The following ADH1C variants were observed in gnomAD, a reference collection of about 807,000 sequenced individuals.
ADH1C encodes the protein alcohol dehydrogenase 1C.
Under a neutral mutation model 35.0 loss-of-function variants are expected in ADH1C, and 26 were observed. That is an observed-to-expected ratio of 0.74 (90% CI 0.54 to 1.03). The LOEUF is 1.03. Among genes scored for constraint, ADH1C ranks in the 50% least tolerant of loss-of-function variants. The probability of loss-of-function intolerance (pLI) is 0.00; values close to 1 mark genes in which losing one functional copy is unlikely to be tolerated. For missense variants in ADH1C, 413 were observed against 465.4 expected, an observed-to-expected ratio of 0.89 and a Z score of 1.04; for synonymous variants, 170 against 169.3, an observed-to-expected ratio of 1.00 and a Z score of -0.03.
At chr4:99,347,710 CTTAAAA>C (rs2110661570) in intron 2 of ADH1C, 29 bp downstream of exon 2, 1 of 1,563,034 alleles carries the variant, frequency 6.4e-7, no homozygotes, top group Non-Finnish European at 8.7e-7. Flanking sequence ...ATTCTTTAAA[CTTAAAA>C]TTAAATACAA....
chr4:99,344,010 C>T (rs867520403), intron 5 of ADH1C, among the ~76,000 whole-genome samples: 6 of 152,138 alleles, frequency 3.9e-5, no homozygotes, highest in African/African-American at 1.4e-4. Flanking sequence ...TTCTACCTTA[C>T]TTAGAAAAAT....
At chr4:99,343,726 TG>T (rs1734466322) in intron 5 of ADH1C, among the ~76,000 whole-genome samples, 1 of 152,214 alleles carries the variant, frequency 6.6e-6, no homozygotes, top group Non-Finnish European at 1.5e-5. Flanking sequence ...CTTCTGTTCT[TG>T]GGTAGGCTCA....
At chr4:99,351,681 C>T (rs1307813782) in intron 1 of ADH1C, among the ~76,000 whole-genome samples, 1 of 152,204 alleles carries the variant, frequency 6.6e-6, no homozygotes, top group East Asian at 1.9e-4. Flanking sequence ...GTCTTATTGA[C>T]ATGAGCCTGT....
Position 99,338,395 on chromosome 4 carries a change from C to CTATATATA in ADH1C, c.1103+1174_1103+1181dup, listed in dbSNP as rs35124782. On this transcript the variant is annotated intron_variant, in intron 8 of 8. Transcript: ENST00000515683. ...ATTAACCTTTGATGAATACTGTTTT[C>CTATATATA]TATATATATATATATATATATATAT... Among the ~76,000 whole-genome samples the CTATATATA allele has an allele frequency of 4.7e-3, 184 of 38,832 alleles. 9 individuals carry two copies. Among genetic ancestry groups the CTATATATA allele is most frequent in the South Asian group, 6.9e-3 (7 of 1,016 alleles). 25.5% of individuals were successfully genotyped at this position (38,832 alleles called of 152,430 possible).
chr4:99,339,050 T>A (rs2110653006), intron 8 of ADH1C, among the ~76,000 whole-genome samples: 1 of 152,210 alleles, frequency 6.6e-6, no homozygotes, highest in East Asian at 1.9e-4. Context: ...AGTAAATTTT[T>A]TTTTCTAAAC....
At chr4:99,346,870 G>A (rs1019553562) in intron 3 of ADH1C, 136 bp downstream of exon 3, 4 of 1,421,382 alleles carry the variant, frequency 2.8e-6, no homozygotes, top group Admixed American at 4.6e-5. Flanking sequence ...GAGGGAAGGA[G>A]GAAACCCCTG....
Position 99,346,991 on chromosome 4 carries a change from G to C in ADH1C, c.259+15C>G, listed in dbSNP as rs775589950. On this transcript the variant is annotated intron_variant, in intron 3 of 8. Coordinates refer to ENST00000515683, the MANE Select transcript of ADH1C (RefSeq NM_000669.5). ...TGGTGAACCAAGGCATGTTCCCTGA[G>C]TGTGAATCCTGTACCTGGTTTGACT... is the stretch of plus-strand genomic sequence containing the variant. 19 of 1,612,328 alleles carry C rather than the reference G, an allele frequency of 1.2e-5. No homozygotes were observed. Among genetic ancestry groups the C allele is most frequent in the Admixed American group, 5.0e-5 (3 of 59,764 alleles).
intron 5 of ADH1C, 76 bp from the exon 6 acceptor site, chr4:99,343,131 T>C: frequency 6.4e-7 from 1 of 1,554,528 alleles, no homozygotes; most frequent in Admixed American, 1.9e-5. Context: ...AAGTGCCATG[T>C]CTTGTGTGTT....
At chr4:99,343,728 G>T (rs1734466376) in intron 5 of ADH1C, among the ~76,000 whole-genome samples, 1 of 151,980 alleles carries the variant, frequency 6.6e-6, no homozygotes, top group African/African-American at 2.4e-5. Flanking sequence ...TCTGTTCTTG[G>T]GTAGGCTCAC....
At chr4:99,338,029 G>A (rs1400509122) in intron 8 of ADH1C, among the ~76,000 whole-genome samples, 1 of 151,758 alleles carries the variant, frequency 6.6e-6, no homozygotes, top group East Asian at 1.9e-4. Context: ...TCTAGAAATG[G>A]TATTGCTGGA....
intron 4 of ADH1C, 33 bp downstream of exon 4, chr4:99,345,146 A>G (rs1381898495): frequency 6.2e-7 from 1 of 1,613,148 alleles, no homozygotes; most frequent in Non-Finnish European, 8.5e-7. Flanking sequence ...GTGCAAACTC[A>G]AAGTCTGTGC....
At chr4:99,345,502 TA>T (rs1318937326) in intron 3 of ADH1C, among the ~76,000 whole-genome samples, 1 of 152,180 alleles carries the variant, frequency 6.6e-6, no homozygotes, top group South Asian at 2.1e-4. Flanking sequence ...CAAGATGGAT[TA>T]AAAAAATTCC....
intron 5 of ADH1C, among the ~76,000 whole-genome samples, chr4:99,343,373 C>T (rs1427906484): frequency 6.6e-6 from 1 of 152,184 alleles, no homozygotes; most frequent in African/African-American, 2.4e-5. Context: ...TCCAATGGGT[C>T]AGGCTGGGAA....
In ADH1C at chr4:99,336,745, T is replaced by C; in HGVS notation, c.*7A>G. 1 of 1,613,718 alleles carries C rather than the reference T, an allele frequency of 6.2e-7. No individual in the cohort carries two copies. Among genetic ancestry groups the C allele is most frequent in the South Asian group, 1.1e-5 (1 of 91,076 alleles). ...AAACTGCTACAAGGGAAGGCATCTG[T>C]ATTGTTTCAAAACGTCAGGACGGTA... On this transcript the variant is annotated 3_prime_UTR_variant, in exon 9 of 9. Transcript: ENST00000515683.
At chr4:99,341,815 C>CA (rs1734421620) in intron 6 of ADH1C, among the ~76,000 whole-genome samples, 1 of 152,034 alleles carries the variant, frequency 6.6e-6, no homozygotes, top group Non-Finnish European at 1.5e-5. Flanking sequence ...TCAAAGATGA[C>CA]ATAAGCACTG....
intron 6 of ADH1C, among the ~76,000 whole-genome samples, chr4:99,342,024 A>ATC (rs1734427616): frequency 6.7e-6 from 1 of 149,030 alleles, no homozygotes; most frequent in Non-Finnish European, 1.5e-5. Context: ...AAAAAAAAAA[A>ATC]AATAAATAAA....
chr4:99,343,107 G>T, intron 5 of ADH1C, 52 bp from the exon 6 acceptor site: 2 of 1,591,598 alleles, frequency 1.3e-6, no homozygotes, highest in Non-Finnish European at 1.7e-6. Context: ...GTTAGAAATT[G>T]CTTAAGCTTT....
At chr4:99,346,056 A>G (rs1021195501) in intron 3 of ADH1C, among the ~76,000 whole-genome samples, 1 of 152,194 alleles carries the variant, frequency 6.6e-6, no homozygotes, top group Non-Finnish European at 1.5e-5. Context: ...CTAAAACTCA[A>G]ATTGGACAGT....
rs748223863 is a variant in ADH1C, at chr4:99,347,808, C to A, written c.57G>T (p.Lys19Asn). The change falls in exon 2 of 9, where the codon AAG becomes AAT. Residue 19 changes from lysine (K) to asparagine (N), a missense_variant. By Grantham distance (94) the Lys-to-Asn change is moderately conservative. Coordinates refer to ENST00000515683, the MANE Select transcript of ADH1C (RefSeq NM_000669.5). ...KCKAAVLWEL[K>N]KPFSIEEVEV... ...CTACCTCCTCAATGGAAAAGGGTTTCTTTAACTCCCATAGCACAGCTGCTT... is the reference window on the plus strand; with the variant it reads ...CTACCTCCTCAATGGAAAAGGGTTTATTTAACTCCCATAGCACAGCTGCTT... The A allele has an allele frequency of 6.2e-7, 1 of 1,613,912 alleles. No individual in the cohort carries two copies.
Sources: allele counts gnomAD v4.1 joint callset (sites outside exome capture counted in the v4.1 genomes callset), GRCh38; gene constraint gnomAD v4.1.1; transcripts MANE v1.5; gene names NCBI Gene and HGNC (gene_info 2026-07-23, HGNC 2026-07-21).